Variants in ACSL1 observed in about 807,000 individuals in gnomAD.
The protein encoded by ACSL1 is acyl-CoA synthetase long chain family member 1, also known as long-chain-fatty-acid--CoA ligase 1.
In ACSL1, 41 loss-of-function variants were observed where a neutral mutation model predicts 98.4. The observed-to-expected ratio is 0.42, with a 90% CI of 0.32 to 0.54. The LOEUF (loss-of-function observed/expected upper bound fraction) is 0.54, where lower values mean the gene tolerates loss of function less well. Among genes scored for constraint, ACSL1 ranks in the 20% least tolerant of loss-of-function variants. The probability of loss-of-function intolerance (pLI) is 0.13; values close to 1 mark genes in which losing one functional copy is unlikely to be tolerated. For missense variants in ACSL1, 734 were observed against 883.1 expected (o/e 0.83, Z 2.14); for synonymous variants, 316 against 322.7 (o/e 0.98, Z 0.22).
intron 2 of ACSL1, among the ~76,000 whole-genome samples, chr4:184,800,320 T>C (rs771607332): frequency 3.9e-5 from 6 of 152,164 alleles, no homozygotes; most frequent in African/African-American, 7.2e-5. Context: ...CATCCCTCTT[T>C]TCCCTGGTCC....
chr4:184,820,960 C>A, intron 1 of ACSL1: 1 of 451,678 alleles, frequency 2.2e-6, no homozygotes, highest in South Asian at 1.6e-5. Flanking sequence ...ATTAGGAGCA[C>A]AGACCCTGAA....
At chr4:184,826,555 G>C (rs1166930190), upstream of ACSL1, 2 of 152,396 alleles carry the variant, frequency 1.3e-5, no homozygotes, top group Non-Finnish European at 2.9e-5. Context: ...AGAGCCTGAC[G>C]TGGGCAGCGC....
chr4:184,816,603 A>C (rs1055615972), intron 1 of ACSL1, among the ~76,000 whole-genome samples: 1 of 152,190 alleles, frequency 6.6e-6, no homozygotes, highest in Non-Finnish European at 1.5e-5. Context: ...TGAAAATTCA[A>C]ATCTATTCAA....
chr4:184,818,553 C>A (rs1309414132), intron 1 of ACSL1, among the ~76,000 whole-genome samples: 1 of 152,120 alleles, frequency 6.6e-6, no homozygotes, highest in Non-Finnish European at 1.5e-5. Flanking sequence ...TGTTAGGGAC[C>A]ACCTTCTATG....
In ACSL1 at chr4:184,788,604, G is replaced by A; in HGVS notation, c.310+13C>T. ...GGCGAGCGGGAGCCACGCAAATGCA[G>A]GAAAATGCTTACTTGACACCTGTAT... On this transcript the variant is annotated intron_variant, in intron 3 of 20. Transcript: ENST00000281455. The A allele has an allele frequency of 6.2e-7, 1 of 1,607,112 alleles. No homozygotes were observed. Among genetic ancestry groups the A allele is most frequent in the Non-Finnish European group, 8.5e-7 (1 of 1,173,878 alleles).
rs1315833201 is a variant in ACSL1 at position 184,825,692 on chromosome 4, G to A, written c.-33+224C>T. 1.3e-5 allele frequency among the ~76,000 whole-genome samples: 2 copies of A among 149,512 alleles called. No individual in the cohort carries two copies. Among genetic ancestry groups the A allele is most frequent in the African/African-American group, 2.4e-5 (1 of 41,066 alleles). Reference sequence around the variant, plus strand: ...CCGCGACTCAGACACAGGAAGCTGCGGCAGCACGGGCACCCCGGAGGCCTC... The same window carrying A: ...CCGCGACTCAGACACAGGAAGCTGCAGCAGCACGGGCACCCCGGAGGCCTC... On this transcript the variant is annotated intron_variant, in intron 1 of 20. Coordinates refer to ENST00000281455, the MANE Select transcript of ACSL1 (RefSeq NM_001995.5). This position sits in a 1 kb window ranked among gnomAD's most constrained non-coding sequence, Gnocchi z 4.7.
chr4:184,825,163 C>T lies in ACSL1; in HGVS notation c.-33+753G>A. On this transcript the variant is annotated intron_variant, in intron 1 of 20. Coordinates refer to ENST00000281455, the MANE Select transcript of ACSL1 (RefSeq NM_001995.5). The surrounding 1 kb of genome is among the most constrained non-coding windows in gnomAD (Gnocchi z 4.7). The stretch of plus-strand genomic sequence containing the variant: ...AAGGGGTTTCCACACTCTCACAACG[C>T]ACCGACTGGGGGAACGCCTGTCCCC... The T allele has an allele frequency of 1.0e-6, 1 of 985,332 alleles. No homozygotes were observed. The highest frequency in any genetic ancestry group is 5.2e-4 in the Middle Eastern group (1 of 1,914). 61.0% of individuals were successfully genotyped at this position (985,332 alleles called of 1,614,324 possible).
intron 12 of ACSL1, 185 bp downstream of exon 12, chr4:184,768,131 A>T: frequency 5.1e-6 from 3 of 584,938 alleles, no homozygotes; most frequent in Admixed American, 7.9e-5. Flanking sequence ...TTTCTCTTAT[A>T]ATCCTTATCA....
intron 5 of ACSL1, among the ~76,000 whole-genome samples, chr4:184,778,870 A>G (rs1765739328): frequency 6.6e-6 from 1 of 152,186 alleles, no homozygotes; most frequent in Non-Finnish European, 1.5e-5. Flanking sequence ...AAGCCCAGTC[A>G]CAGTCCAGCT....
chr4:184,768,035 G>C (rs544273568), intron 12 of ACSL1: 1 of 474,538 alleles, frequency 2.1e-6, no homozygotes, highest in East Asian at 3.5e-5. Context: ...AGGAAGCAGA[G>C]GCTCAAAGTG....
chr4:184,817,193 A>G (rs1228012770), intron 1 of ACSL1, among the ~76,000 whole-genome samples: 1 of 152,048 alleles, frequency 6.6e-6, no homozygotes, highest in Non-Finnish European at 1.5e-5. Flanking sequence ...TTTAATTGAC[A>G]AATTCTTTCC....
At chr4:184,770,861 C>A (rs559136465) in intron 10 of ACSL1, among the ~76,000 whole-genome samples, 2 of 152,306 alleles carry the variant, frequency 1.3e-5, no homozygotes, top group South Asian at 4.1e-4. Context: ...TGGTGGCTCA[C>A]GCCTGTAATC....
intron 1 of ACSL1, among the ~76,000 whole-genome samples, chr4:184,809,917 G>T (rs146695529): frequency 6.6e-6 from 1 of 152,156 alleles, no homozygotes; most frequent in African/African-American, 2.4e-5. Context: ...TTGAGGCATC[G>T]AATGGTTTTC....
chr4:184,821,753 T>C (rs1773085865), intron 1 of ACSL1, among the ~76,000 whole-genome samples: 1 of 152,226 alleles, frequency 6.6e-6, no homozygotes, highest in East Asian at 1.9e-4. Context: ...TGCAGTCATC[T>C]TCAGAACTTA....
intron 2 of ACSL1, among the ~76,000 whole-genome samples, chr4:184,795,924 T>TA (rs1769277567): frequency 6.6e-6 from 1 of 152,262 alleles, no homozygotes; most frequent in Non-Finnish European, 1.5e-5. Flanking sequence ...ACACCCCCTC[T>TA]AAGCATAGTC....
intron 2 of ACSL1, among the ~76,000 whole-genome samples, chr4:184,796,919 C>A (rs1222688207): frequency 6.6e-6 from 1 of 152,208 alleles, no homozygotes; most frequent in Non-Finnish European, 1.5e-5. Context: ...TCACCTGATA[C>A]CTCCCACCTG....
At chr4:184,774,740 C>T (rs72695635) in intron 7 of ACSL1, among the ~76,000 whole-genome samples, 3,090 of 152,164 alleles carry the variant, frequency 0.02, 52 homozygotes, top group Non-Finnish European at 0.031. Flanking sequence ...GTTCAATTCA[C>T]GTGGAAATTA....
In ACSL1 at chr4:184,803,621, C is replaced by T. The variant is rs1770920958; in HGVS notation, c.-32-75G>A. 2 of 1,077,906 alleles carry T rather than the reference C, an allele frequency of 1.9e-6. No individual in the cohort carries two copies. The highest frequency in any genetic ancestry group is 1.2e-6 in the Non-Finnish European group (1 of 814,280). The allele number at this position is 1,077,906 out of a possible 1,614,324, so 66.8% of individuals were successfully genotyped here. On this transcript the variant is annotated intron_variant, in intron 1 of 20. Transcript: ENST00000281455. The surrounding 1 kb of genome is among the most constrained non-coding windows in gnomAD (Gnocchi z 4.8). ...CTCCAGAACTCCAAAATTCCACCGG[C>T]CAGCCATCTAATTGGGTAGCTGCTC...
rs1762235381 is a variant in ACSL1 at position 184,757,269 on chromosome 4, C to A, written c.1957-4G>T. On this transcript the variant is annotated splice_region_variant and splice_polypyrimidine_tract_variant and intron_variant, in intron 20 of 20. Transcript: ENST00000281455. This position sits in a 1 kb window ranked among gnomAD's most constrained non-coding sequence, Gnocchi z 4.5. ...GGTGCAATGTGATGCCTTTGACCTG[C>A]CAATAAACAAGGCAGTTAAAAGAGG... The A allele has an allele frequency of 1.3e-6, 2 of 1,588,082 alleles. No individual in the cohort carries two copies. The highest frequency in any genetic ancestry group is 1.7e-6 in the Non-Finnish European group (2 of 1,160,792).
Sources: allele counts gnomAD v4.1 joint callset (sites outside exome capture counted in the v4.1 genomes callset), GRCh38; gene constraint gnomAD v4.1.1; non-coding constraint Gnocchi (gnomAD v3.1); transcripts MANE v1.5; gene names NCBI Gene and HGNC (gene_info 2026-07-23, HGNC 2026-07-21).